The following ANO3 variants were observed in gnomAD, a reference collection of about 807,000 sequenced individuals.
ANO3 encodes anoctamin 3.
A neutral mutation model predicts 144.8 loss-of-function variants in ANO3; 99 were observed. The observed-to-expected ratio is 0.68, with a 90% CI of 0.58 to 0.81. The LOEUF (loss-of-function observed/expected upper bound fraction) is 0.81, where lower values mean the gene tolerates loss of function less well. ANO3 is among the 30% of genes least tolerant of loss of function. The pLI, the probability that ANO3 is intolerant of heterozygous loss-of-function variation, is 0.00. For synonymous variants in ANO3, 414 were observed against 392.6 expected (o/e 1.05, Z -0.64); for missense variants, 905 against 1,202.2 (o/e 0.75, Z 3.66).
At chr11:26,393,603 G>A (rs1856934646) in intron 1 of ANO3, among the ~76,000 whole-genome samples, 1 of 152,070 alleles carries the variant, frequency 6.6e-6, no homozygotes, top group Non-Finnish European at 1.5e-5. Context: ...ATACATATTG[G>A]CTGAAATTAA....
At chr11:26,293,575 A>ATATG (rs1433627005) in intron 1 of ANO3, among the ~76,000 whole-genome samples, 2 of 116,136 alleles carry the variant, frequency 1.7e-5, no homozygotes, top group Non-Finnish European at 1.8e-5. Flanking sequence ...ATATATATAT[A>ATATG]TTCCTGTTGT....
At chr11:26,590,126 CCT>C (rs1387843642) in intron 14 of ANO3, among the ~76,000 whole-genome samples, 2 of 152,098 alleles carry the variant, frequency 1.3e-5, no homozygotes, top group African/African-American at 4.8e-5. Flanking sequence ...ACGTTTAGAA[CCT>C]CTCCCTGATG....
chr11:26,343,015 A>C (rs558832924), intron 1 of ANO3, among the ~76,000 whole-genome samples: 5 of 152,344 alleles, frequency 3.3e-5, no homozygotes, highest in African/African-American at 1.2e-4. Flanking sequence ...CCCTCTTAGC[A>C]AATTTCAAGT....
At chr11:26,601,244 T>C (rs900242517) in intron 17 of ANO3, among the ~76,000 whole-genome samples, 1 of 152,206 alleles carries the variant, frequency 6.6e-6, no homozygotes, top group African/African-American at 2.4e-5. Flanking sequence ...TAATATGCAT[T>C]TGGTTCCAAA....
At chr11:26,371,846 T>G (rs1856269088) in intron 1 of ANO3, among the ~76,000 whole-genome samples, 1 of 152,226 alleles carries the variant, frequency 6.6e-6, no homozygotes, top group Admixed American at 6.5e-5. Context: ...CTGTTGTATC[T>G]AGGCAGGAAC....
intron 1 of ANO3, among the ~76,000 whole-genome samples, chr11:26,249,374 T>C (rs1252265465): frequency 6.6e-6 from 1 of 152,186 alleles, no homozygotes; most frequent in Non-Finnish European, 1.5e-5. Flanking sequence ...AGATACAATA[T>C]ACAACACATT....
At chr11:26,452,652 C>T (rs2134040464) in intron 3 of ANO3, among the ~76,000 whole-genome samples, 1 of 152,310 alleles carries the variant, frequency 6.6e-6, no homozygotes, top group Non-Finnish European at 1.5e-5. Context: ...TTGGAAAACA[C>T]TCTGCAGGAT....
At chr11:26,591,261 C>A (rs75271184) in intron 14 of ANO3, among the ~76,000 whole-genome samples, 2 of 151,956 alleles carry the variant, frequency 1.3e-5, no homozygotes, top group African/African-American at 2.4e-5. Flanking sequence ...GGCCAACGAC[C>A]GCTCTTAACT....
chr11:26,598,525 C>A, intron 15 of ANO3, 78 bp downstream of exon 15: 1 of 1,010,030 alleles, frequency 9.9e-7, no homozygotes, highest in Non-Finnish European at 1.5e-6. Context: ...AGCATTCCGG[C>A]TGGAAGCAGT....
chr11:26,219,764 G>C (rs1487636999), intron 1 of ANO3, among the ~76,000 whole-genome samples: 1 of 152,142 alleles, frequency 6.6e-6, no homozygotes, highest in Non-Finnish European at 1.5e-5. Flanking sequence ...CTTACAGATA[G>C]AGAGAAAGGA....
chr11:26,564,724 CACACACACATATAT>C (rs1341705902), intron 14 of ANO3, among the ~76,000 whole-genome samples: 48 of 57,304 alleles, frequency 8.4e-4, no homozygotes, highest in African/African-American at 2.8e-3. Context: ...CACACACACA[CACACACACATATAT>C]ATATATATAT....
chr11:26,394,570 CTTTT>C (rs56118844), intron 1 of ANO3, among the ~76,000 whole-genome samples: 3 of 115,726 alleles, frequency 2.6e-5, no homozygotes, highest in African/African-American at 6.4e-5. Flanking sequence ...ATTTCATTTT[CTTTT>C]TTTTTTTTTT....
chr11:26,575,040 T>C (rs912011127), intron 14 of ANO3, among the ~76,000 whole-genome samples: 1 of 152,118 alleles, frequency 6.6e-6, no homozygotes, highest in African/African-American at 2.4e-5. Context: ...AAGAATTGAA[T>C]GATAAGACTA....
chr11:26,567,174 T>TCAACTGAC (rs2134274684), intron 14 of ANO3: 11 of 1,288,550 alleles, frequency 8.5e-6, no homozygotes, highest in Middle Eastern at 4.0e-4. Flanking sequence ...TAAAGCCAAG[T>TCAACTGAC]CAACTGACTC....
chr11:26,333,056 G>A (rs573462494), intron 1 of ANO3, among the ~76,000 whole-genome samples: 3 of 152,242 alleles, frequency 2.0e-5, no homozygotes, highest in African/African-American at 7.2e-5. Context: ...CACATTCACA[G>A]TTTTTGGAGT....
At chr11:26,534,756 G>T (rs1251194956) in intron 9 of ANO3, among the ~76,000 whole-genome samples, 194 bp downstream of exon 9, 6 of 152,034 alleles carry the variant, frequency 3.9e-5, no homozygotes, top group Admixed American at 3.3e-4. Context: ...AGGGTATTTG[G>T]TCATAGATAT....
At chr11:26,389,288 G>C (rs550131021) in intron 1 of ANO3, among the ~76,000 whole-genome samples, 8 of 152,162 alleles carry the variant, frequency 5.3e-5, no homozygotes, top group African/African-American at 1.9e-4. Context: ...CTCCACTACT[G>C]TCTCTCTGAT....
chr11:26,423,167 C>T (rs567198796), intron 1 of ANO3, among the ~76,000 whole-genome samples: 2 of 151,896 alleles, frequency 1.3e-5, no homozygotes, highest in South Asian at 4.1e-4. Flanking sequence ...ATGTTAAACC[C>T]AAGAACTACA....
chr11:26,273,632 GCACACACACACA>G (rs3220654), intron 1 of ANO3, among the ~76,000 whole-genome samples: 85 of 140,282 alleles, frequency 6.1e-4, no homozygotes, highest in African/African-American at 1.5e-3. Context: ...TGTGGATATG[GCACACACACACA>G]CACACACACA....
Sources: gnomAD v4.1 joint callset for allele counts (sites outside exome capture counted in the v4.1 genomes callset) on GRCh38, gnomAD v4.1.1 for gene constraint, MANE v1.5 for transcripts, NCBI Gene and HGNC (gene_info 2026-07-23, HGNC 2026-07-21) for gene names.